The following PNKD variants were observed in gnomAD, a reference collection of about 807,000 sequenced individuals.
PNKD encodes probable thioesterase PNKD.
In PNKD, 36 loss-of-function variants were observed where a neutral mutation model predicts 45.3. The observed-to-expected ratio is 0.80, with a 90% CI of 0.61 to 1.05. The LOEUF (loss-of-function observed/expected upper bound fraction) is 1.05, where lower values mean the gene tolerates loss of function less well. Among genes scored for constraint, PNKD ranks in the 50% least tolerant of loss-of-function variants. The probability of loss-of-function intolerance (pLI) is 0.00; values close to 1 mark genes in which losing one functional copy is unlikely to be tolerated. For missense variants in PNKD, 511 were observed against 506.6 expected, an observed-to-expected ratio of 1.01 and a Z score of -0.08; for synonymous variants, 197 against 210.1, an observed-to-expected ratio of 0.94 and a Z score of 0.54.
At chr2:218,275,784 T>C (rs1691142705) in intron 2 of PNKD, among the ~76,000 whole-genome samples, 1 of 152,126 alleles carries the variant, frequency 6.6e-6, no homozygotes, top group African/African-American at 2.4e-5. Flanking sequence ...GCTCACAGTC[T>C]AGGAAAGGAG....
At chr2:218,305,447 C>A (rs1693380139) in intron 2 of PNKD, among the ~76,000 whole-genome samples, 1 of 152,074 alleles carries the variant, frequency 6.6e-6, no homozygotes, top group East Asian at 1.9e-4. Flanking sequence ...AACCTCTGAC[C>A]TCAAGCAATC....
chr2:218,318,436 C>T (rs1428689256), intron 2 of PNKD, among the ~76,000 whole-genome samples: 3 of 152,202 alleles, frequency 2.0e-5, no homozygotes, highest in Admixed American at 6.5e-5. Context: ...AAGCGCCTGC[C>T]GCCACCAGGC....
intron 2 of PNKD, chr2:218,280,062 C>G: frequency 6.2e-7 from 1 of 1,614,166 alleles, no homozygotes; most frequent in Non-Finnish European, 8.5e-7. Flanking sequence ...TCCGGTCATC[C>G]CACTCTCCAG....
intron 2 of PNKD, chr2:218,280,552 G>T: frequency 4.2e-6 from 1 of 237,510 alleles, no homozygotes; most frequent in Non-Finnish European, 8.4e-6. Flanking sequence ...GTGAAGACAG[G>T]GATCTGCATC....
chr2:218,303,459 GC>G (rs1230533008), intron 2 of PNKD, among the ~76,000 whole-genome samples: 1 of 151,972 alleles, frequency 6.6e-6, no homozygotes, highest in Admixed American at 6.6e-5. Flanking sequence ...AGGGAATGGA[GC>G]CCGAGAGCAG....
intron 2 of PNKD, chr2:218,272,731 C>T (rs972182818): frequency 1.9e-6 from 3 of 1,614,046 alleles, no homozygotes; most frequent in Non-Finnish European, 2.5e-6. Context: ...AGTGCCCCGT[C>T]CCCTGATGTT....
At position 218,326,105 on chromosome 2, in the gene PNKD, G is replaced by A. The variant is rs1349625531; in HGVS notation, c.237-13678G>A. On this transcript the variant is annotated intron_variant, in intron 2 of 9. Coordinates refer to ENST00000273077, the MANE Select transcript of PNKD (RefSeq NM_015488.5). This position sits in a 1 kb window ranked among gnomAD's most constrained non-coding sequence, Gnocchi z 4.1. The stretch of plus-strand genomic sequence containing the variant: ...TGGGACAGGACATGATGGGGAGGGG[G>A]AGGGCACATGCACTACCAACCTGAA... 6.6e-6 allele frequency among the ~76,000 whole-genome samples: 1 copy of A among 151,746 alleles called. No individual in the cohort carries two copies. Among genetic ancestry groups the A allele is most frequent in the Non-Finnish European group, 1.5e-5 (1 of 67,980 alleles).
rs1259219039 is a variant in PNKD at position 218,340,773 on chromosome 2, A to G, written c.511A>G (p.Thr171Ala). 6.2e-7 allele frequency: 1 copy of G among 1,613,418 alleles called. No homozygotes were observed. The highest frequency in any genetic ancestry group is 8.5e-7 in the Non-Finnish European group (1 of 1,179,586). ...EGVTLVAILC[T>A]HKHWDHSGGN... ...GGTCACCTTGGTCGCCATTCTGTGTACTCACAAGCACTGGTAAGGGGCTCC... is the reference window on the plus strand; with the variant it reads ...GGTCACCTTGGTCGCCATTCTGTGTGCTCACAAGCACTGGTAAGGGGCTCC... Residue 171 changes from threonine (T) to alanine (A), a missense_variant, in exon 5 of 10, where the codon ACT becomes GCT. Thr to Ala is a moderately conservative substitution (Grantham distance 58). Coordinates refer to ENST00000273077, the MANE Select transcript of PNKD (RefSeq NM_015488.5). The surrounding 1 kb of genome is among the most constrained non-coding windows in gnomAD (Gnocchi z 4.2).
At chr2:218,341,199 C>T (rs1249351333) in intron 5 of PNKD, among the ~76,000 whole-genome samples, 3 of 152,034 alleles carry the variant, frequency 2.0e-5, no homozygotes, top group African/African-American at 4.8e-5. Context: ...ACCTTGTCTT[C>T]AAAAAAGAAG....
In PNKD at chr2:218,344,819, C is replaced by T. The variant is rs1426835685; in HGVS notation, c.996C>T (p.Thr332=). The T allele has an allele frequency of 1.3e-5, 21 of 1,613,762 alleles. No individual in the cohort carries two copies. In the Admixed American group the frequency reaches 3.5e-4, roughly 27 times the overall value. ...RLERKGTCPS[T]LGEERSYNPF... is the part of the protein sequence containing the mutation. ...CCTCTCACCCACAGTGCCCATCTACCCTGGGAGAGGAGCGCTCCTACAACC... is the reference window on the plus strand; with the variant it reads ...CCTCTCACCCACAGTGCCCATCTACTCTGGGAGAGGAGCGCTCCTACAACC... The change falls in exon 10 of 10, where the codon ACC becomes ACT. Residue 332 remains threonine, a synonymous_variant. Coordinates refer to ENST00000273077, the MANE Select transcript of PNKD (RefSeq NM_015488.5).
At chr2:218,299,865 C>T (rs1693227940) in intron 2 of PNKD, among the ~76,000 whole-genome samples, 1 of 152,132 alleles carries the variant, frequency 6.6e-6, no homozygotes, top group Non-Finnish European at 1.5e-5. Flanking sequence ...AGGTGATCCG[C>T]CCGCCTCAGC....
intron 2 of PNKD, chr2:218,323,502 G>T (rs1418409728): frequency 5.8e-6 from 8 of 1,378,864 alleles, no homozygotes; most frequent in Admixed American, 2.6e-5. Flanking sequence ...TGGGAGGCGG[G>T]GGCTGGAGCT....
At chr2:218,307,638 C>G (rs1443391534) in intron 2 of PNKD, among the ~76,000 whole-genome samples, 1 of 152,144 alleles carries the variant, frequency 6.6e-6, no homozygotes, top group Non-Finnish European at 1.5e-5. Context: ...TGGCTCCTAA[C>G]AGACCAAGGA....
chr2:218,298,463 T>G (rs1037546291), intron 2 of PNKD, among the ~76,000 whole-genome samples: 12 of 152,210 alleles, frequency 7.9e-5, no homozygotes, highest in African/African-American at 2.7e-4. Context: ...ATTACTTAAC[T>G]GCTGTGAGCC....
intron 2 of PNKD, among the ~76,000 whole-genome samples, chr2:218,312,780 C>A (rs1467726984): frequency 1.3e-5 from 2 of 151,624 alleles, no homozygotes; most frequent in South Asian, 2.1e-4. Context: ...GGCTGAGGCA[C>A]AAGAATCTCT....
At chr2:218,306,456 T>C (rs1434969924) in intron 2 of PNKD, among the ~76,000 whole-genome samples, 1 of 152,150 alleles carries the variant, frequency 6.6e-6, no homozygotes, top group Non-Finnish European at 1.5e-5. Flanking sequence ...TCAAGGAACA[T>C]GTGTGGAGTA....
At chr2:218,315,367 C>G (rs1194854598) in intron 2 of PNKD, among the ~76,000 whole-genome samples, 1 of 151,684 alleles carries the variant, frequency 6.6e-6, no homozygotes, top group Non-Finnish European at 1.5e-5. Flanking sequence ...GTCTCAATCT[C>G]TTTGACCTCG....
chr2:218,303,864 A>G (rs1877711), intron 2 of PNKD, among the ~76,000 whole-genome samples: 148,293 of 152,056 alleles, frequency 0.98, 72,387 homozygotes, highest in East Asian at 1. Context: ...GTGAGCCACC[A>G]CGCCCGGCCA....
Position 218,340,889 on chromosome 2 carries a change from G to C in PNKD, c.524+103G>C, listed in dbSNP as rs111556940. The C allele has an allele frequency of 2.6e-5, 25 of 954,776 alleles. No individual in the cohort carries two copies. The highest frequency in any genetic ancestry group is 4.8e-5 in the East Asian group (2 of 41,934). 59.1% of individuals were successfully genotyped at this position (954,776 alleles called of 1,614,324 possible). A position where few individuals can be genotyped will look rare whatever the true frequency, so the allele number is the denominator to read the frequency against. ...GGGCCAGAGATCAAGAAGTCAGTAC[G>C]GGCCGGCACCCGCCTTCCTCGTGAA... On this transcript the variant is annotated intron_variant, in intron 5 of 9. Transcript: ENST00000273077. This position sits in a 1 kb window ranked among gnomAD's most constrained non-coding sequence, Gnocchi z 4.2.
Sources: gnomAD v4.1 joint callset for allele counts (sites outside exome capture counted in the v4.1 genomes callset) on GRCh38, gnomAD v4.1.1 for gene constraint, Gnocchi (gnomAD v3.1) non-coding constraint, MANE v1.5 for transcripts, NCBI Gene and HGNC (gene_info 2026-07-23, HGNC 2026-07-21) for gene names.